MACROH2A1: variants seen among roughly 807,000 people sequenced by gnomAD.
The protein encoded by MACROH2A1 is macroH2A.1 histone.
A neutral mutation model predicts 31.6 loss-of-function variants in MACROH2A1; 2 were observed. The ratio of observed to expected loss-of-function variants is 0.06; its 90% CI spans 0.03 to 0.20. MACROH2A1 has a LOEUF of 0.20. MACROH2A1 is among the 10% of genes least tolerant of loss of function. MACROH2A1 has a pLI of 1.00. For missense variants in MACROH2A1, 230 were observed against 474.0 expected (o/e 0.49, Z 4.78); for synonymous variants, 169 against 189.6 (o/e 0.89, Z 0.89).
At chr5:135,342,299 T>A (rs1160996025) in intron 8 of MACROH2A1, among the ~76,000 whole-genome samples, 1 of 152,202 alleles carries the variant, frequency 6.6e-6, no homozygotes, top group Admixed American at 6.5e-5. Flanking sequence ...AACCCTGAGA[T>A]ACTGCATGGG....
rs115646542 is a variant in MACROH2A1 at position 135,348,916 on chromosome 5, G to T, written c.689-2859C>A. On this transcript the variant is annotated intron_variant, in intron 6 of 8. Transcript: ENST00000511689. ...CCCACCCTGTGCCTATCAATGAGTTGTAGGTGAACATGTCAGAGGAAAAGC... is the reference window on the plus strand; with the variant it reads ...CCCACCCTGTGCCTATCAATGAGTTTTAGGTGAACATGTCAGAGGAAAAGC... Among the ~76,000 whole-genome samples the T allele has an allele frequency of 2.1e-3, 315 of 152,304 alleles. 2 individuals are homozygous for T. The highest frequency in any genetic ancestry group is 7.3e-3 in the African/African-American group (305 of 41,560).
At chr5:135,371,969 C>A (rs1231976027) in intron 2 of MACROH2A1, among the ~76,000 whole-genome samples, 1 of 152,180 alleles carries the variant, frequency 6.6e-6, no homozygotes, top group Non-Finnish European at 1.5e-5. Context: ...CCACCCAATG[C>A]AAATAACCTG....
intron 2 of MACROH2A1, among the ~76,000 whole-genome samples, chr5:135,386,259 A>T (rs1766390887): frequency 6.6e-6 from 1 of 152,168 alleles, no homozygotes; most frequent in Non-Finnish European, 1.5e-5. Context: ...CTCCTCTCCC[A>T]TCACAAAACA....
chr5:135,346,301 C>A, intron 6 of MACROH2A1: 1 of 514,848 alleles, frequency 1.9e-6, no homozygotes, highest in Non-Finnish European at 3.5e-6. Context: ...GGGTCTGACT[C>A]AGGGTGATCA....
At chr5:135,345,805 TG>T in intron 7 of MACROH2A1, 162 bp downstream of exon 7, 1 of 567,154 alleles carries the variant, frequency 1.8e-6, no homozygotes. Flanking sequence ...AACCTGCATG[TG>T]GTGAAACTCT....
Position 135,334,916 on chromosome 5 carries a change from T to A in MACROH2A1, c.*60A>T, listed in dbSNP as rs112618870. ...CTCCCAGTAGGAGTGAAGGGGATTTTTTTTTTCTTTTAAACTGAAGGTGGG... is the reference window on the plus strand; with the variant it reads ...CTCCCAGTAGGAGTGAAGGGGATTTATTTTTTCTTTTAAACTGAAGGTGGG... On this transcript the variant is annotated 3_prime_UTR_variant, in exon 9 of 9. Transcript: ENST00000511689. The A allele has an allele frequency of 4.7e-3, 6,798 of 1,451,286 alleles. 289 individuals are homozygous for A. The African/African-American group carries it at 0.084, about 18-fold the overall frequency. The allele number at this position is 1,451,286 out of a possible 1,614,324, so 89.9% of individuals were successfully genotyped here. A position where few individuals can be genotyped will look rare whatever the true frequency, so the allele number is the denominator to read the frequency against.
intron 1 of MACROH2A1, 86 bp from the exon 2 acceptor site, chr5:135,389,212 C>CTGGGGCCTT: frequency 2.1e-6 from 2 of 962,128 alleles, no homozygotes; most frequent in Non-Finnish European, 3.0e-6. Flanking sequence ...CCTGGAAGGC[C>CTGGGGCCTT]CCAGGCCTGC....
chr5:135,344,373 C>CT (rs60483029), intron 7 of MACROH2A1: 367 of 145,926 alleles, frequency 2.5e-3, no homozygotes, highest in African/African-American at 5.4e-3. Flanking sequence ...ATTTCTGAAA[C>CT]TTTTTTTTTT....
At chr5:135,364,013 A>G (rs535960718) in intron 4 of MACROH2A1, among the ~76,000 whole-genome samples, 1 of 152,148 alleles carries the variant, frequency 6.6e-6, no homozygotes, top group South Asian at 2.1e-4. Flanking sequence ...CCACTTTTTG[A>G]TGGGGTTGAT....
chr5:135,379,783 G>T (rs1300074140), intron 2 of MACROH2A1, among the ~76,000 whole-genome samples: 2 of 152,120 alleles, frequency 1.3e-5, no homozygotes, highest in Non-Finnish European at 2.9e-5. Context: ...CGTCCTGATG[G>T]TCATCCACGG....
intron 2 of MACROH2A1, among the ~76,000 whole-genome samples, chr5:135,380,422 T>G (rs1343122535): frequency 1.2e-4 from 18 of 152,230 alleles, no homozygotes; most frequent in Admixed American, 1.2e-3. Flanking sequence ...AACCAAGCAC[T>G]GCAGTGGTCA....
intron 2 of MACROH2A1, among the ~76,000 whole-genome samples, chr5:135,382,626 C>A (rs1765803250): frequency 6.6e-6 from 1 of 152,150 alleles, no homozygotes; most frequent in Non-Finnish European, 1.5e-5. Context: ...ACAATCTATA[C>A]CATAAATAAT....
chr5:135,349,407 G>A (rs11960395), intron 6 of MACROH2A1, among the ~76,000 whole-genome samples: 4,763 of 152,256 alleles, frequency 0.031, 275 homozygotes, highest in African/African-American at 0.11. Context: ...TGAAAGGGGA[G>A]TTTAACTGCT....
At chr5:135,393,853 A>T (rs570067040) in intron 1 of MACROH2A1, among the ~76,000 whole-genome samples, 2 of 152,330 alleles carry the variant, frequency 1.3e-5, no homozygotes, top group East Asian at 3.9e-4. Context: ...AATCACAATA[A>T]ACATTAACTT....
intron 2 of MACROH2A1, among the ~76,000 whole-genome samples, chr5:135,377,496 G>A (rs1435319352): frequency 4.6e-5 from 7 of 152,230 alleles, no homozygotes; most frequent in Non-Finnish European, 1.0e-4. Context: ...TTCCCAGATG[G>A]ACTCAAAGCG....
In MACROH2A1 at chr5:135,369,951, G is replaced by T; in HGVS notation, c.279+85C>A. The T allele has an allele frequency of 1.1e-6, 1 of 874,196 alleles. No homozygotes were observed. The highest frequency in any genetic ancestry group is 1.8e-6 in the Non-Finnish European group (1 of 547,162). The allele number at this position is 874,196 out of a possible 1,614,324, so 54.2% of individuals were successfully genotyped here. A position where few individuals can be genotyped will look rare whatever the true frequency, so the allele number is the denominator to read the frequency against. On this transcript the variant is annotated intron_variant, in intron 3 of 8. Transcript: ENST00000511689. This position sits in a 1 kb window ranked among gnomAD's most constrained non-coding sequence, Gnocchi z 4.3. Reference sequence around the variant, plus strand: ...AGGCAGTCCACACCTTTCATAACCAGCCAACACCAAAGCCTCTCAGCTATG... The same window carrying T: ...AGGCAGTCCACACCTTTCATAACCATCCAACACCAAAGCCTCTCAGCTATG...
rs115286684 is a variant in MACROH2A1, at chr5:135,370,173, T to C, written c.173-31A>G. On this transcript the variant is annotated intron_variant, in intron 2 of 8. Transcript: ENST00000511689. ...GGGAGCAGAGATGAGTGTATGGTCA[T>C]GTTAGAGGACCATGTGTCCCCGCCC... 2,635 of 1,422,206 alleles carry C rather than the reference T, an allele frequency of 1.9e-3. 51 individuals carry two copies. The African/African-American group carries it at 0.033, about 18-fold the overall frequency. The allele number at this position is 1,422,206 out of a possible 1,614,324, so 88.1% of individuals were successfully genotyped here. A position where few individuals can be genotyped will look rare whatever the true frequency, so the allele number is the denominator to read the frequency against.
intron 5 of MACROH2A1, chr5:135,359,597 C>T (rs1762586033): frequency 1.0e-6 from 1 of 984,618 alleles, no homozygotes; most frequent in Non-Finnish European, 1.2e-6. Context: ...AGGAGGAGAA[C>T]TTGCAATGAC....
chr5:135,391,210 T>A (rs956009467), intron 1 of MACROH2A1, among the ~76,000 whole-genome samples: 2 of 152,246 alleles, frequency 1.3e-5, no homozygotes, highest in African/African-American at 4.8e-5. Flanking sequence ...TAGCAGTCTT[T>A]TGCTTTACTA....
Sources: allele counts gnomAD v4.1 joint callset (sites outside exome capture counted in the v4.1 genomes callset), GRCh38; gene constraint gnomAD v4.1.1; non-coding constraint Gnocchi (gnomAD v3.1); transcripts MANE v1.5; gene names NCBI Gene and HGNC (gene_info 2026-07-23, HGNC 2026-07-21).